MCTP1: variants seen among roughly 807,000 people sequenced by gnomAD.
MCTP1 encodes the protein multiple C2 and transmembrane domain containing 1, also known as multiple C2 and transmembrane domain-containing protein 1.
A neutral mutation model predicts 120.6 loss-of-function variants in MCTP1; 69 were observed. The ratio of observed to expected loss-of-function variants is 0.57; its 90% CI spans 0.47 to 0.70. The LOEUF (loss-of-function observed/expected upper bound fraction) is 0.70. MCTP1 is among the 30% of genes least tolerant of loss of function. MCTP1 has a pLI of 0.00. For synonymous variants in MCTP1, 529 were observed against 493.1 expected (o/e 1.07, Z -0.96); for missense variants, 1,203 against 1,248.8 (o/e 0.96, Z 0.55).
intron 1 of MCTP1, among the ~76,000 whole-genome samples, chr5:95,129,170 T>C (rs1041902918): frequency 3.3e-5 from 5 of 152,220 alleles, no homozygotes; most frequent in Non-Finnish European, 7.4e-5. Context: ...TCATGCAAGG[T>C]TAAAGTGAAT....
rs550144091 is a variant in MCTP1 at position 95,255,370 on chromosome 5, G to T, written c.720+28486C>A. The stretch of plus-strand genomic sequence containing the variant: ...GAATTTACCTACATTTTAAAGAATT[G>T]ATAGAATTTGGATACTTTAAAGAAG... On this transcript the variant is annotated intron_variant, in intron 1 of 22. Coordinates refer to ENST00000515393, the MANE Select transcript of MCTP1 (RefSeq NM_024717.7). Among the ~76,000 whole-genome samples the T allele has an allele frequency of 1.1e-4, 16 of 152,304 alleles. No homozygotes were observed. The East Asian group carries it at 2.1e-3, about 20-fold the overall frequency.
intron 2 of MCTP1, among the ~76,000 whole-genome samples, chr5:94,987,183 G>C (rs532918608): frequency 6.6e-6 from 1 of 152,054 alleles, no homozygotes; most frequent in Admixed American, 6.5e-5. Context: ...GCTTACTATA[G>C]GCTAGGCATT....
chr5:94,979,179 C>T (rs890631824), intron 2 of MCTP1: 3 of 146,464 alleles, frequency 2.0e-5, no homozygotes, highest in African/African-American at 7.8e-5. Context: ...TTTTCCTACT[C>T]TCCAGGTTAA....
intron 1 of MCTP1, among the ~76,000 whole-genome samples, chr5:95,167,506 C>T (rs531293889): frequency 7.2e-5 from 11 of 152,188 alleles, no homozygotes; most frequent in Non-Finnish European, 8.8e-5. Context: ...AATGGTCAAA[C>T]TAGTTTACAG....
chr5:95,011,636 C>T (rs191197298), intron 2 of MCTP1, among the ~76,000 whole-genome samples: 131 of 152,194 alleles, frequency 8.6e-4, no homozygotes, highest in Middle Eastern at 3.4e-3. Flanking sequence ...CCAGCCAGGA[C>T]ATGAAGAAGA....
At chr5:94,707,835 C>T (rs1160252731) in intron 22 of MCTP1, among the ~76,000 whole-genome samples, 1 of 151,824 alleles carries the variant, frequency 6.6e-6, no homozygotes, top group Non-Finnish European at 1.5e-5. Context: ...AAACCATCTA[C>T]ATCAATTTTT....
chr5:95,231,215 A>T (rs964778735), intron 1 of MCTP1, among the ~76,000 whole-genome samples: 1 of 152,194 alleles, frequency 6.6e-6, no homozygotes, highest in Non-Finnish European at 1.5e-5. Flanking sequence ...ATACACTTAG[A>T]ATATCTTCAC....
chr5:95,252,312 G>T (rs1757456275), intron 1 of MCTP1, among the ~76,000 whole-genome samples: 1 of 152,082 alleles, frequency 6.6e-6, no homozygotes, highest in South Asian at 2.1e-4. Flanking sequence ...CTGAAGTTAG[G>T]CTGCTACCCT....
intron 2 of MCTP1, among the ~76,000 whole-genome samples, chr5:94,999,121 T>C (rs950273172): frequency 6.6e-6 from 1 of 152,238 alleles, no homozygotes; most frequent in African/African-American, 2.4e-5. Flanking sequence ...ATACTTTATA[T>C]TATCCAATTT....
chr5:94,993,178 C>T (rs543314960), intron 2 of MCTP1, among the ~76,000 whole-genome samples: 30 of 152,124 alleles, frequency 2.0e-4, no homozygotes, highest in Non-Finnish European at 3.8e-4. Context: ...TGTTTGTAGT[C>T]ATTGCCTTTG....
At chr5:95,148,304 AGTT>A (rs2152454363) in intron 1 of MCTP1, among the ~76,000 whole-genome samples, 1 of 87,832 alleles carries the variant, frequency 1.1e-5, no homozygotes, top group South Asian at 4.3e-4. Flanking sequence ...ATGTTTTCCA[AGTT>A]GCTTACTCTC....
At chr5:94,812,191 T>A (rs1783567963) in intron 17 of MCTP1, among the ~76,000 whole-genome samples, 1 of 152,196 alleles carries the variant, frequency 6.6e-6, no homozygotes, top group Non-Finnish European at 1.5e-5. Flanking sequence ...AATCGTAGGT[T>A]CAGATGTGAT....
At chr5:94,786,848 AT>A (rs1425733688) in intron 18 of MCTP1, among the ~76,000 whole-genome samples, 1 of 152,228 alleles carries the variant, frequency 6.6e-6, no homozygotes, top group Non-Finnish European at 1.5e-5. Flanking sequence ...AGTCCATTAA[AT>A]ATTAAAATTA....
intron 19 of MCTP1, among the ~76,000 whole-genome samples, chr5:94,725,144 A>C (rs1435118610): frequency 6.6e-6 from 1 of 152,226 alleles, no homozygotes; most frequent in African/African-American, 2.4e-5. Flanking sequence ...AAAATGTGGA[A>C]GCACACTCAG....
At chr5:94,722,340 G>A (rs897574350) in intron 19 of MCTP1, among the ~76,000 whole-genome samples, 3 of 152,100 alleles carry the variant, frequency 2.0e-5, no homozygotes, top group Non-Finnish European at 4.4e-5. Context: ...GCCGAGCTGT[G>A]TCCTAGCTTA....
intron 19 of MCTP1, among the ~76,000 whole-genome samples, chr5:94,716,393 T>TAA (rs75209507): frequency 5.9e-5 from 8 of 135,448 alleles, no homozygotes; most frequent in East Asian, 2.1e-4. Flanking sequence ...CACTCTCCAG[T>TAA]AAAAAAAAAA....
intron 3 of MCTP1, among the ~76,000 whole-genome samples, chr5:94,949,720 A>G (rs766951145): frequency 2.0e-5 from 3 of 152,100 alleles, no homozygotes; most frequent in Non-Finnish European, 4.4e-5. Flanking sequence ...GTAATTATAG[A>G]TAGGAGGGTC....
chr5:94,707,617 CAAAG>C, intron 22 of MCTP1, 50 bp from the exon 23 acceptor site: 2 of 1,375,800 alleles, frequency 1.5e-6, no homozygotes, highest in Non-Finnish European at 2.1e-6. Flanking sequence ...CACTTTCTGG[CAAAG>C]AAAGGAACAG....
chr5:94,988,705 A>G (rs1483368557), intron 2 of MCTP1, among the ~76,000 whole-genome samples: 1 of 148,642 alleles, frequency 6.7e-6, no homozygotes, highest in African/African-American at 2.5e-5. Flanking sequence ...ACATTGTATT[A>G]GTCTGTTCTC....
Sources: allele counts gnomAD v4.1 joint callset (sites outside exome capture counted in the v4.1 genomes callset), GRCh38; gene constraint gnomAD v4.1.1; transcripts MANE v1.5; gene names NCBI Gene and HGNC (gene_info 2026-07-23, HGNC 2026-07-21).